ARMC8: variants seen among roughly 807,000 people sequenced by gnomAD.
The protein encoded by ARMC8 is armadillo repeat-containing protein 8.
In ARMC8, 20 loss-of-function variants were observed where a neutral mutation model predicts 99.3. The ratio of observed to expected loss-of-function variants is 0.20; its 90% CI spans 0.14 to 0.29. ARMC8 has a LOEUF of 0.29. ARMC8 is among the 10% of genes least tolerant of loss of function. The pLI, the probability that ARMC8 is intolerant of heterozygous loss-of-function variation, is 1.00. For synonymous variants in ARMC8, 263 were observed against 278.3 expected, an observed-to-expected ratio of 0.95 and a Z score of 0.55; for missense variants, 569 against 809.5, an observed-to-expected ratio of 0.70 and a Z score of 3.60.
chr3:138,286,782 A>G (rs1190600769), intron 19 of ARMC8, among the ~76,000 whole-genome samples: 1 of 152,188 alleles, frequency 6.6e-6, no homozygotes, highest in East Asian at 1.9e-4. Flanking sequence ...TTATACTATC[A>G]TCACTGTGCT....
intron 2 of ARMC8, among the ~76,000 whole-genome samples, chr3:138,218,212 G>T (rs1314332091): frequency 6.6e-6 from 1 of 151,768 alleles, no homozygotes; most frequent in Non-Finnish European, 1.5e-5. Context: ...TAAGCATAGG[G>T]GTCTGGAGAT....
chr3:138,227,338 C>T (rs1401995210), intron 5 of ARMC8, among the ~76,000 whole-genome samples: 2 of 152,130 alleles, frequency 1.3e-5, no homozygotes, highest in Non-Finnish European at 2.9e-5. Flanking sequence ...GCTTTAGGAG[C>T]CCAATAGAGG....
chr3:138,195,884 C>T (rs1367009872), intron 1 of ARMC8, among the ~76,000 whole-genome samples: 2 of 150,942 alleles, frequency 1.3e-5, no homozygotes, highest in African/African-American at 4.9e-5. Context: ...ACTGTTTTGA[C>T]CACATTCCCT....
intron 1 of ARMC8, chr3:138,188,634 G>A: frequency 6.9e-7 from 1 of 1,451,988 alleles, no homozygotes. Flanking sequence ...TGAGAGGGTA[G>A]TTGGATTATA....
chr3:138,271,910 C>G (rs149943007), intron 16 of ARMC8, among the ~76,000 whole-genome samples: 9 of 151,816 alleles, frequency 5.9e-5, no homozygotes, highest in Non-Finnish European at 7.4e-5. Flanking sequence ...ATTCTTGTGC[C>G]TCAACCTCCT....
chr3:138,272,101 T>C (rs1208810396), intron 16 of ARMC8, among the ~76,000 whole-genome samples: 1 of 152,192 alleles, frequency 6.6e-6, no homozygotes, highest in South Asian at 2.1e-4. Flanking sequence ...AGGAGCAAAA[T>C]AGCTACTAGC....
At chr3:138,224,404 T>G (rs2045574218) in intron 5 of ARMC8, among the ~76,000 whole-genome samples, 1 of 152,208 alleles carries the variant, frequency 6.6e-6, no homozygotes, top group Non-Finnish European at 1.5e-5. Flanking sequence ...ATGGTGCCCC[T>G]GCACCTCAGC....
intron 11 of ARMC8, among the ~76,000 whole-genome samples, chr3:138,244,294 T>C (rs2046775392): frequency 6.6e-6 from 1 of 152,144 alleles, no homozygotes; most frequent in Non-Finnish European, 1.5e-5. Flanking sequence ...TTATTTATTT[T>C]TGAGATGTAG....
chr3:138,286,872 C>T (rs1279786403), intron 19 of ARMC8, among the ~76,000 whole-genome samples: 1 of 152,194 alleles, frequency 6.6e-6, no homozygotes, highest in Non-Finnish European at 1.5e-5. Flanking sequence ...TCCGCCTGCC[C>T]TTTCAGCATC....
chr3:138,221,621 G>A (rs1048455636), intron 2 of ARMC8, among the ~76,000 whole-genome samples: 15 of 152,232 alleles, frequency 9.9e-5, no homozygotes, highest in Admixed American at 5.9e-4. Context: ...AGAGCTGAGC[G>A]TGAGGGTGGC....
chr3:138,278,357 T>C (rs537182246), intron 18 of ARMC8, among the ~76,000 whole-genome samples: 1 of 151,880 alleles, frequency 6.6e-6, no homozygotes, highest in South Asian at 2.1e-4. Context: ...AATACAAAAA[T>C]TAGCCAGGTA....
rs1261399447 is a variant in ARMC8, at chr3:138,297,603, C to G, written c.*1711C>G. The G allele has an allele frequency of 6.6e-6, 1 of 152,188 alleles. No homozygotes were observed. Among genetic ancestry groups the G allele is most frequent in the Non-Finnish European group, 1.5e-5 (1 of 68,032 alleles). The allele number at this position is 152,188 out of a possible 1,614,324, so 9.4% of individuals were successfully genotyped here. A position where few individuals can be genotyped will look rare whatever the true frequency, so the allele number is the denominator to read the frequency against. ...TAAAAATGTATTTAATGCAATTTTT[C>G]CTGCTCTCAACATGACCACCCAAGA... is the stretch of plus-strand genomic sequence containing the variant. On this transcript the variant is annotated 3_prime_UTR_variant, in exon 22 of 22. Coordinates refer to ENST00000469044, the MANE Select transcript of ARMC8 (RefSeq NM_001363941.2).
chr3:138,288,196 G>A (rs78117651), intron 19 of ARMC8, among the ~76,000 whole-genome samples: 13,086 of 152,206 alleles, frequency 0.086, 583 homozygotes, highest in South Asian at 0.18. Context: ...TAGATTGTGT[G>A]TGTGTGAAAG....
At chr3:138,247,756 T>C (rs1048382536) in intron 12 of ARMC8, among the ~76,000 whole-genome samples, 2 of 152,248 alleles carry the variant, frequency 1.3e-5, no homozygotes, top group Non-Finnish European at 2.9e-5. Context: ...CATTTCTTGA[T>C]ACCTTCTCTT....
chr3:138,248,549 A>G (rs2108205037), intron 12 of ARMC8, among the ~76,000 whole-genome samples: 1 of 152,360 alleles, frequency 6.6e-6, no homozygotes, highest in Non-Finnish European at 1.5e-5. Flanking sequence ...TCAACAAACT[A>G]TTTCAAGTAC....
chr3:138,270,663 T>C (rs1024127418), intron 16 of ARMC8, among the ~76,000 whole-genome samples: 1 of 152,108 alleles, frequency 6.6e-6, no homozygotes, highest in Non-Finnish European at 1.5e-5. Context: ...TTAATTAACA[T>C]GTGTATTACC....
At chr3:138,187,657 A>G (rs917404228) in intron 1 of ARMC8, 58 bp downstream of exon 1, 2 of 1,519,714 alleles carry the variant, frequency 1.3e-6, no homozygotes, top group African/African-American at 1.4e-5. Context: ...CCCGGTCTCC[A>G]CCATTCCCCC....
At chr3:138,287,679 GAA>G (rs1204871844) in intron 19 of ARMC8, 4 of 456,494 alleles carry the variant, frequency 8.8e-6, no homozygotes, top group African/African-American at 8.0e-5. Context: ...GTTAGAAGAA[GAA>G]AGAATCACTA....
In ARMC8 at chr3:138,187,614, G is replaced by T. The variant is rs1231447496; in HGVS notation, c.45+15G>T. On this transcript the variant is annotated intron_variant, in intron 1 of 21. Coordinates refer to ENST00000469044, the MANE Select transcript of ARMC8 (RefSeq NM_001363941.2). ...GCGTCCTTTCGGTGAGTGACCCGCC[G>T]CGGCCGCCCGCCCGCCCTCCAGGAA... 6.5e-7 allele frequency: 1 copy of T among 1,535,458 alleles called. No homozygotes were observed. Among genetic ancestry groups the T allele is most frequent in the East Asian group, 2.4e-5 (1 of 40,872 alleles).
Sources: gnomAD v4.1 joint callset for allele counts (sites outside exome capture counted in the v4.1 genomes callset) on GRCh38, gnomAD v4.1.1 for gene constraint, MANE v1.5 for transcripts, NCBI Gene and HGNC (gene_info 2026-07-23, HGNC 2026-07-21) for gene names.